The following SFMBT2 variants were observed in gnomAD, a reference collection of about 807,000 sequenced individuals.
The protein encoded by SFMBT2 is Scm like with four mbt domains 2.
Under a neutral mutation model 110.1 loss-of-function variants are expected in SFMBT2, and 38 were observed. The observed-to-expected ratio is 0.35, with a 90% CI of 0.27 to 0.45. SFMBT2 has a LOEUF of 0.45. Ranked by LOEUF, SFMBT2 falls within the 20% of genes least tolerant of loss-of-function variation. SFMBT2 has a pLI of 1.00. For missense variants in SFMBT2, 1,011 were observed against 1,094.9 expected (o/e 0.92, Z 1.08); for synonymous variants, 425 against 425.4 (o/e 1.00, Z 0.01).
chr10:7,185,678 A>T (rs1298329115), intron 16 of SFMBT2, among the ~76,000 whole-genome samples: 2 of 152,252 alleles, frequency 1.3e-5, no homozygotes, highest in African/African-American at 4.8e-5. Context: ...GACTAGAAGA[A>T]TTATTAAGCT....
At chr10:7,215,151 G>C (rs1305503939) in intron 11 of SFMBT2, among the ~76,000 whole-genome samples, 1 of 152,164 alleles carries the variant, frequency 6.6e-6, no homozygotes, top group African/African-American at 2.4e-5. Context: ...CTGTAATCCC[G>C]GCATTTTGGG....
At chr10:7,404,357 G>A (rs911464511) in intron 1 of SFMBT2, among the ~76,000 whole-genome samples, 2 of 152,134 alleles carry the variant, frequency 1.3e-5, no homozygotes, top group African/African-American at 2.4e-5. Flanking sequence ...GAAATGGAGG[G>A]GAAAGAAAAC....
chr10:7,263,532 G>A lies in SFMBT2; in HGVS notation c.870+13360C>T, dbSNP rs925502448. 5.9e-5 allele frequency among the ~76,000 whole-genome samples: 9 copies of A among 152,276 alleles called. No individual in the cohort carries two copies. In the South Asian group the frequency reaches 1.7e-3, roughly 28 times the overall value. On this transcript the variant is annotated intron_variant, in intron 7 of 20. Transcript: ENST00000397167. The stretch of plus-strand genomic sequence containing the variant: ...GCTGGGATTACAGGTGTGAGCCACC[G>A]TGCCCGGCCAACAGCCTCTATTTCA...
chr10:7,338,864 A>G lies in SFMBT2; in HGVS notation c.436+28785T>C, dbSNP rs145279015. Among the ~76,000 whole-genome samples the G allele has an allele frequency of 9.9e-3, 1,506 of 152,230 alleles. 24 individuals are homozygous for G. Among genetic ancestry groups the G allele is most frequent in the African/African-American group, 0.035 (1,445 of 41,526 alleles). ...TCTTCCCAGGTTATTTTGTCTCTCA[A>G]TGTTACAACCAACAGGCTCTTCAGG... On this transcript the variant is annotated intron_variant, in intron 4 of 20. Coordinates refer to ENST00000397167, the MANE Select transcript of SFMBT2 (RefSeq NM_001387889.1).
chr10:7,276,863 A>T (rs1239006876), intron 7 of SFMBT2, 29 bp downstream of exon 7: 1 of 849,746 alleles, frequency 1.2e-6, no homozygotes, highest in Non-Finnish European at 2.1e-6. Flanking sequence ...CAAAAAGGGT[A>T]GATACATTGC....
intron 4 of SFMBT2, among the ~76,000 whole-genome samples, chr10:7,322,938 C>T (rs1043466717): frequency 6.6e-6 from 1 of 152,134 alleles, no homozygotes; most frequent in African/African-American, 2.4e-5. Context: ...CATTTGTAAA[C>T]CAGAACATTC....
intron 11 of SFMBT2, 67 bp from the exon 12 acceptor site, chr10:7,205,995 C>A (rs1839122040): frequency 6.3e-7 from 1 of 1,591,100 alleles, no homozygotes. Context: ...AGAAGGACAA[C>A]AATAATAGAG....
chr10:7,370,377 T>C lies in SFMBT2; in HGVS notation c.101-2A>G, dbSNP rs1845028741. ...TTTCCTCCAAGCTTGAGCCTTCTTCTGTTGAAAAACAAAAGAACAGAATAT... is the reference window on the plus strand; with the variant it reads ...TTTCCTCCAAGCTTGAGCCTTCTTCCGTTGAAAAACAAAAGAACAGAATAT... On this transcript the variant is annotated splice_acceptor_variant, in intron 2 of 20. Transcript: ENST00000397167. LOFTEE classifies it high-confidence loss of function. 6.2e-7 allele frequency: 1 copy of C among 1,613,512 alleles called. No individual in the cohort carries two copies. The highest frequency in any genetic ancestry group is 1.1e-5 in the South Asian group (1 of 91,068).
chr10:7,255,977 C>T (rs1840992956), intron 7 of SFMBT2, among the ~76,000 whole-genome samples: 2 of 152,148 alleles, frequency 1.3e-5, no homozygotes, highest in South Asian at 4.1e-4. Context: ...ACGTCTGGTC[C>T]CAGGCATTTT....
intron 4 of SFMBT2, among the ~76,000 whole-genome samples, chr10:7,309,936 G>C (rs146008429): frequency 1.3e-5 from 2 of 152,238 alleles, no homozygotes; most frequent in African/African-American, 4.8e-5. Context: ...TTTTTTAATA[G>C]TATCAGCACT....
chr10:7,377,825 G>A (rs936080228), intron 2 of SFMBT2, among the ~76,000 whole-genome samples: 2 of 152,218 alleles, frequency 1.3e-5, no homozygotes, highest in African/African-American at 4.8e-5. Context: ...CCATGGACCA[G>A]TACCAATCTG....
chr10:7,257,351 T>C (rs1480604648), intron 7 of SFMBT2, among the ~76,000 whole-genome samples: 2 of 152,128 alleles, frequency 1.3e-5, no homozygotes, highest in African/African-American at 4.8e-5. Context: ...CATCTGCCTC[T>C]GATGAAGTCC....
chr10:7,290,952 CA>C (rs1463100758), intron 4 of SFMBT2, among the ~76,000 whole-genome samples: 1 of 152,234 alleles, frequency 6.6e-6, no homozygotes, highest in Non-Finnish European at 1.5e-5. Context: ...TTTCAAGCCC[CA>C]TCAAGTGCAC....
At chr10:7,231,130 C>T (rs1014567091) in intron 9 of SFMBT2, among the ~76,000 whole-genome samples, 14 of 152,174 alleles carry the variant, frequency 9.2e-5, no homozygotes, top group East Asian at 7.7e-4. Flanking sequence ...GGCTGGATGA[C>T]GAGCAGTTAC....
chr10:7,179,129 G>T (rs144690666), intron 16 of SFMBT2, among the ~76,000 whole-genome samples: 2 of 151,806 alleles, frequency 1.3e-5, no homozygotes, highest in Non-Finnish European at 1.5e-5. Flanking sequence ...TTTATTCAGG[G>T]TCTTTCATAT....
chr10:7,373,482 A>G (rs997815965), intron 2 of SFMBT2, among the ~76,000 whole-genome samples: 11 of 152,218 alleles, frequency 7.2e-5, no homozygotes, highest in Non-Finnish European at 1.2e-4. Context: ...TGATGGATGT[A>G]TACTCACAGG....
At chr10:7,230,101 C>G (rs1431568865) in intron 9 of SFMBT2, among the ~76,000 whole-genome samples, 1 of 151,916 alleles carries the variant, frequency 6.6e-6, no homozygotes, top group African/African-American at 2.4e-5. Flanking sequence ...AGAGACTGAC[C>G]CGTGACCTTC....
At chr10:7,186,110 A>G (rs1002323716) in intron 16 of SFMBT2, among the ~76,000 whole-genome samples, 2 of 152,136 alleles carry the variant, frequency 1.3e-5, no homozygotes, top group Non-Finnish European at 2.9e-5. Context: ...TAAATAGGGG[A>G]AAAATCACCC....
intron 9 of SFMBT2, among the ~76,000 whole-genome samples, chr10:7,238,738 T>A (rs1312451575): frequency 3.9e-5 from 6 of 152,194 alleles, no homozygotes; most frequent in African/African-American, 1.2e-4. Context: ...AGGCTGAACA[T>A]TTTCTACAAA....
Sources: allele counts gnomAD v4.1 joint callset (sites outside exome capture counted in the v4.1 genomes callset), GRCh38; gene constraint gnomAD v4.1.1; transcripts MANE v1.5; gene names NCBI Gene and HGNC (gene_info 2026-07-23, HGNC 2026-07-21).